SCN2A: variants seen among roughly 807,000 people sequenced by gnomAD.
SCN2A encodes the protein sodium voltage-gated channel alpha subunit 2.
Under a neutral mutation model 188.7 loss-of-function variants are expected in SCN2A, and 20 were observed. The ratio of observed to expected loss-of-function variants is 0.11; its 90% CI spans 0.07 to 0.15. The LOEUF is 0.15. SCN2A is among the 10% of genes least tolerant of loss of function. SCN2A has a pLI of 1.00. For synonymous variants in SCN2A, 804 were observed against 833.1 expected, an observed-to-expected ratio of 0.97 and a Z score of 0.60; for missense variants, 1,278 against 2,445.0, an observed-to-expected ratio of 0.52 and a Z score of 10.07.
chr2:165,386,618 A>T, intron 25 of SCN2A, 128 bp from the exon 26 acceptor site: 1 of 994,068 alleles, frequency 1.0e-6, no homozygotes, highest in Admixed American at 2.8e-5. Context: ...TTTTTTGTAA[A>T]ATGTTGTGAG....
At chr2:165,371,882 T>C (rs1271833797) in intron 20 of SCN2A, 1 of 152,180 alleles carries the variant, frequency 6.6e-6, no homozygotes, top group Non-Finnish European at 1.5e-5. Flanking sequence ...AATTAGGAGA[T>C]TGCTGCAATG....
intron 7 of SCN2A, 43 bp from the exon 8 acceptor site, chr2:165,311,982 A>T: frequency 6.8e-7 from 1 of 1,462,966 alleles, no homozygotes. Flanking sequence ...GAAGTGTTTT[A>T]CAGGATTTTA....
intron 15 of SCN2A, 71 bp from the exon 16 acceptor site, chr2:165,344,483 TA>T: frequency 1.1e-6 from 1 of 942,756 alleles, no homozygotes; most frequent in Non-Finnish European, 1.4e-6. Context: ...AATAAAAAAA[TA>T]AAAATAAAAT....
intron 8 of SCN2A, 152 bp from the exon 9 acceptor site, chr2:165,313,468 C>T: frequency 1.3e-6 from 1 of 753,086 alleles, no homozygotes; most frequent in East Asian, 2.6e-5. Context: ...AATCAGTCCA[C>T]TTAGTGCTGA....
At chr2:165,338,352 C>T (rs1035707601) in intron 14 of SCN2A, among the ~76,000 whole-genome samples, 1 of 151,708 alleles carries the variant, frequency 6.6e-6, no homozygotes, top group African/African-American at 2.4e-5. Flanking sequence ...CTCCGCCTCC[C>T]CGGTTCACGT....
chr2:165,336,876 T>C (rs771440864), intron 14 of SCN2A, among the ~76,000 whole-genome samples: 6 of 152,124 alleles, frequency 3.9e-5, no homozygotes, highest in South Asian at 2.1e-4. Context: ...ATTTCCAGGA[T>C]TGAAGTATTC....
In SCN2A at chr2:165,283,856, A is replaced by G. The variant is rs1695699474; in HGVS notation, c.-51-11917A>G. Among the ~76,000 whole-genome samples the G allele has an allele frequency of 2.0e-5, 3 of 152,342 alleles. No homozygotes were observed. In the East Asian group the frequency reaches 5.8e-4, roughly 29 times the overall value. ...CAGAGTGGCAATGGCAAATTATTCA[A>G]CATCCATACACCCTGATCACTCCCA... On this transcript the variant is annotated intron_variant, in intron 1 of 26. Coordinates refer to ENST00000375437, the MANE Select transcript of SCN2A (RefSeq NM_001040142.2).
intron 3 of SCN2A, among the ~76,000 whole-genome samples, chr2:165,297,857 C>T (rs894989823): frequency 6.6e-6 from 1 of 152,110 alleles, no homozygotes; most frequent in Non-Finnish European, 1.5e-5. Flanking sequence ...CTTATTGAAG[C>T]ACCTGCTTTC....
At chr2:165,264,519 G>A (rs1463737360) in intron 1 of SCN2A, among the ~76,000 whole-genome samples, 1 of 152,010 alleles carries the variant, frequency 6.6e-6, no homozygotes. Flanking sequence ...AAAGTTGAAA[G>A]CATTCCCCCT....
At chr2:165,375,978 CTT>C (rs1701293480) in intron 22 of SCN2A, among the ~76,000 whole-genome samples, 1 of 151,728 alleles carries the variant, frequency 6.6e-6, no homozygotes, top group Non-Finnish European at 1.5e-5. Flanking sequence ...CATGATGTCA[CTT>C]ATATATGGAA....
chr2:165,268,634 G>T lies in SCN2A; in HGVS notation c.-51-27139G>T, dbSNP rs1031593604. On this transcript the variant is annotated intron_variant, in intron 1 of 26. Coordinates refer to ENST00000375437, the MANE Select transcript of SCN2A (RefSeq NM_001040142.2). ...CCCCTGAGAACTGGAACAAGACAAGGTGACAAAATTAGTGTGATAAAGAGA... is the reference window on the plus strand; with the variant it reads ...CCCCTGAGAACTGGAACAAGACAAGTTGACAAAATTAGTGTGATAAAGAGA... 6.6e-5 allele frequency: 10 copies of T among 152,280 alleles called. No individual in the cohort carries two copies. In the Admixed American group the frequency reaches 6.6e-4, roughly 10 times the overall value. 9.4% of individuals were successfully genotyped at this position (152,280 alleles called of 1,614,324 possible). A position where few individuals can be genotyped will look rare whatever the true frequency, so the allele number is the denominator to read the frequency against.
Position 165,323,322 on chromosome 2 carries a change from T to C in SCN2A, c.1838T>C (p.Val613Ala), listed in dbSNP as rs776945957. 4.3e-6 allele frequency: 7 copies of C among 1,614,162 alleles called. No homozygotes were observed. Among genetic ancestry groups the C allele is most frequent in the Non-Finnish European group, 5.1e-6 (6 of 1,180,026 alleles). ...DNDSRRDSLF[V>A]PHRHGERRHS... The stretch of plus-strand genomic sequence containing the variant: ...GACAGCCGAAGAGACTCTCTGTTCG[T>C]GCCGCACAGACATGGAGAACGGCGC... Residue 613 changes from valine to alanine, a missense_variant, in exon 12 of 27, where the codon GTG (valine) becomes GCG (alanine). This residue lies in a region of SCN2A where 315 missense variants were observed against 386.6 expected (regional missense o/e 0.81). Coordinates refer to ENST00000375437, the MANE Select transcript of SCN2A (RefSeq NM_001040142.2).
intron 25 of SCN2A, among the ~76,000 whole-genome samples, chr2:165,384,025 C>T (rs1204954335): frequency 6.6e-6 from 1 of 151,796 alleles, no homozygotes. Context: ...AGGAAAAGAT[C>T]GAAGACAGAG....
At chr2:165,278,457 C>A (rs1695439857) in intron 1 of SCN2A, among the ~76,000 whole-genome samples, 1 of 152,150 alleles carries the variant, frequency 6.6e-6, no homozygotes, top group South Asian at 2.1e-4. Flanking sequence ...ATAAAATCAT[C>A]AGATTTTGTA....
chr2:165,283,058 A>T (rs1430335562), intron 1 of SCN2A, among the ~76,000 whole-genome samples: 1 of 152,222 alleles, frequency 6.6e-6, no homozygotes, highest in African/African-American at 2.4e-5. Context: ...GAAGCAAATC[A>T]TAGAAGTATT....
rs1334730213 is a variant in SCN2A, at chr2:165,295,859, C to G, written c.36C>G (p.Asp12Glu). Residue 12 changes from aspartate to glutamate, a missense_variant, in exon 2 of 27, where the codon GAC becomes GAG. Asp to Glu is a conservative substitution (Grantham distance 45). Coordinates refer to ENST00000375437, the MANE Select transcript of SCN2A (RefSeq NM_001040142.2). ...CAGTGCTGGTACCGCCAGGACCTGA[C>G]AGCTTCCGCTTCTTTACCAGGGAAT... ...AQSVLVPPGP[D>E]SFRFFTRESL... The G allele has an allele frequency of 5.0e-6, 8 of 1,614,172 alleles. No individual in the cohort carries two copies. The highest frequency in any genetic ancestry group is 6.8e-6 in the Non-Finnish European group (8 of 1,180,028).
intron 3 of SCN2A, among the ~76,000 whole-genome samples, chr2:165,298,871 G>C (rs370318355): frequency 6.6e-6 from 1 of 151,946 alleles, no homozygotes; most frequent in Non-Finnish European, 1.5e-5. Flanking sequence ...AGTAGACATT[G>C]GGAAAATATT....
chr2:165,240,151 T>C (rs1693551783), intron 1 of SCN2A: 1 of 152,190 alleles, frequency 6.6e-6, no homozygotes, highest in Admixed American at 6.5e-5. Context: ...TTAGAAATAA[T>C]ACGTAAGTCA....
chr2:165,321,703 CATGA>C (rs1442270428), intron 11 of SCN2A, among the ~76,000 whole-genome samples: 2 of 152,128 alleles, frequency 1.3e-5, no homozygotes, highest in East Asian at 3.9e-4. Flanking sequence ...TATTCACTAC[CATGA>C]GAACAGTATG....
Sources: allele counts gnomAD v4.1 joint callset (sites outside exome capture counted in the v4.1 genomes callset), GRCh38; gene constraint gnomAD v4.1.1; regional missense constraint gnomAD v4.1.1; transcripts MANE v1.5; gene names NCBI Gene and HGNC (gene_info 2026-07-23, HGNC 2026-07-21).